The following ZMYND12 variants were observed in gnomAD, a reference collection of about 807,000 sequenced individuals.
ZMYND12 encodes zinc finger MYND-type containing 12.
In ZMYND12, 32 loss-of-function variants were observed where a neutral mutation model predicts 41.7. That is an observed-to-expected ratio of 0.77 (90% CI 0.58 to 1.03). ZMYND12 has a LOEUF of 1.03. Ranked by LOEUF, ZMYND12 falls within the 50% of genes least tolerant of loss-of-function variation. The pLI is 0.00. For missense variants in ZMYND12, 424 were observed against 438.5 expected (o/e 0.97, Z 0.30); for synonymous variants, 148 against 164.8 (o/e 0.90, Z 0.78).
rs3748845 is a variant in ZMYND12, at chr1:42,435,411, A to C, written c.718-26T>G. 0.14 allele frequency: 226,519 copies of C among 1,567,588 alleles called. 17,333 individuals are homozygous for C. Among genetic ancestry groups the C allele is most frequent in the African/African-American group, 0.22 (16,425 of 73,938 alleles). ...CTGTTGGGAAAAGAGATGGTAATAC[A>C]ACAAGCAGGCCAGACCTCAGCCGTC... is the stretch of plus-strand genomic sequence containing the variant. On this transcript the variant is annotated intron_variant, in intron 5 of 7. Transcript: ENST00000372565.
At chr1:42,439,433 T>G (rs1642943006) in intron 4 of ZMYND12, among the ~76,000 whole-genome samples, 1 of 152,184 alleles carries the variant, frequency 6.6e-6, no homozygotes, top group African/African-American at 2.4e-5. Context: ...GCCTGGCTAA[T>G]TTTTTGTATT....
At chr1:42,438,842 A>G (rs1476004049) in intron 4 of ZMYND12, among the ~76,000 whole-genome samples, 1 of 152,306 alleles carries the variant, frequency 6.6e-6, no homozygotes, top group South Asian at 2.1e-4. Flanking sequence ...CTGCATGGAG[A>G]CTGCAGTCTG....
intron 3 of ZMYND12, among the ~76,000 whole-genome samples, chr1:42,440,719 G>A (rs1388029448): frequency 6.6e-6 from 1 of 152,042 alleles, no homozygotes; most frequent in Non-Finnish European, 1.5e-5. Flanking sequence ...GCCCAGACTG[G>A]AGTGTAGTGG....
chr1:42,445,060 A>G (rs1643009449), intron 3 of ZMYND12, among the ~76,000 whole-genome samples: 1 of 151,182 alleles, frequency 6.6e-6, no homozygotes, highest in Admixed American at 6.6e-5. Flanking sequence ...CGCCCACCTC[A>G]GCCTGCCAAA....
At chr1:42,437,516 A>ATT (rs149327912) in intron 4 of ZMYND12, among the ~76,000 whole-genome samples, 28 of 136,054 alleles carry the variant, frequency 2.1e-4, no homozygotes, top group Middle Eastern at 3.7e-3. Context: ...GCTTGTGCTA[A>ATT]TTTTTTTTTT....
chr1:42,433,811 T>G (rs1266824886), intron 6 of ZMYND12, among the ~76,000 whole-genome samples: 1 of 152,214 alleles, frequency 6.6e-6, no homozygotes, highest in Admixed American at 6.5e-5. Context: ...TCCCCAGTAG[T>G]TTTTGGTCCT....
At chr1:42,433,357 C>A in intron 6 of ZMYND12, 69 bp from the exon 7 acceptor site, 1 of 1,503,586 alleles carries the variant, frequency 6.7e-7, no homozygotes, top group South Asian at 1.4e-5. Context: ...CAAAAGCACT[C>A]AGCTGTTAAA....
chr1:42,441,554 TG>T (rs1642968783), intron 3 of ZMYND12, among the ~76,000 whole-genome samples: 2 of 152,232 alleles, frequency 1.3e-5, no homozygotes, highest in African/African-American at 4.8e-5. Flanking sequence ...ATATCATTTT[TG>T]TCTTTTTTGT....
intron 5 of ZMYND12, 81 bp from the exon 6 acceptor site, chr1:42,435,466 T>G: frequency 1.8e-6 from 2 of 1,082,450 alleles, no homozygotes; most frequent in Non-Finnish European, 1.4e-6. Flanking sequence ...AGTAGCGCAT[T>G]TGGCCGGGCT....
rs1557765582 is a variant in ZMYND12, at chr1:42,433,207, TG to T, written c.910del (p.Gln304LysfsTer7). On this transcript the variant is annotated frameshift_variant, in exon 7 of 8. Transcript: ENST00000372565. LOFTEE classifies it high-confidence loss of function. ...IRESTSDKAP[Q>X]KTIFVLKILV... ...GATCTTCAGAACAAAGATGGTTTTT[TG>T]GGGGGCTTTGTCAGATGTAGATTCT... The T allele has an allele frequency of 1.2e-6, 2 of 1,612,754 alleles. No individual in the cohort carries two copies. The highest frequency in any genetic ancestry group is 2.2e-5 in the East Asian group (1 of 44,842).
At chr1:42,433,038 T>C in intron 7 of ZMYND12, 105 bp downstream of exon 7, 1 of 1,457,832 alleles carries the variant, frequency 6.9e-7, no homozygotes, top group African/African-American at 1.4e-5. Flanking sequence ...GAGGGCTTGC[T>C]CTGAGGGCAA....
intron 3 of ZMYND12, among the ~76,000 whole-genome samples, chr1:42,440,516 G>A (rs1430131012): frequency 3.9e-5 from 6 of 151,976 alleles, no homozygotes; most frequent in African/African-American, 7.3e-5. Flanking sequence ...CACTAACAGG[G>A]GGTCCAATGC....
intron 1 of ZMYND12, among the ~76,000 whole-genome samples, chr1:42,454,789 C>A (rs999696503): frequency 1.1e-4 from 16 of 151,716 alleles, no homozygotes; most frequent in African/African-American, 3.9e-4. Flanking sequence ...CTGCAACCTC[C>A]GCCTCCCGGG....
Position 42,449,989 on chromosome 1 carries a change from G to A in ZMYND12, c.181C>T (p.Arg61Cys), listed in dbSNP as rs36062501. Residue 61 changes from arginine to cysteine, a missense_variant, in exon 2 of 8, where the codon CGC (arginine) becomes TGC (cysteine). Transcript: ENST00000372565. ...EKICQLLIPL[R>C]TSMPFYNSEE... ...GAATTGTAGAAGGGCATGGAAGTGCGCAGTGGAATCAAGAGCTGACATATT... is the reference window on the plus strand; with the variant it reads ...GAATTGTAGAAGGGCATGGAAGTGCACAGTGGAATCAAGAGCTGACATATT... 797 of 1,613,872 alleles carry A rather than the reference G, an allele frequency of 4.9e-4. 5 individuals are homozygous for A. In the African/African-American group the frequency reaches 8.7e-3, roughly 18 times the overall value.
chr1:42,433,027 T>G, intron 7 of ZMYND12, 116 bp downstream of exon 7: 1 of 1,318,520 alleles, frequency 7.6e-7, no homozygotes, highest in Non-Finnish European at 1.1e-6. Flanking sequence ...CTCTTTGGAG[T>G]GAGGGCTTGC....
chr1:42,443,753 A>G (rs1642993244), intron 3 of ZMYND12, among the ~76,000 whole-genome samples: 1 of 152,226 alleles, frequency 6.6e-6, no homozygotes, highest in African/African-American at 2.4e-5. Context: ...TCATTCATTC[A>G]ACCAAACATA....
chr1:42,439,986 T>C lies in ZMYND12; in HGVS notation c.464A>G (p.Gln155Arg). ...RIVQAEEYLF[Q>R]AQWTVLKSTD... ...TGATTTGAGGACTGTCCACTGGGCT[T>C]GGAATAGATATTCTTCAGCCTGAAC... The change falls in exon 4 of 8, where the codon CAA (glutamine) becomes CGA (arginine). Residue 155 changes from glutamine to arginine, a missense_variant. Coordinates refer to ENST00000372565, the MANE Select transcript of ZMYND12 (RefSeq NM_032257.5). 1.2e-6 allele frequency: 2 copies of C among 1,613,382 alleles called. No homozygotes were observed. The highest frequency in any genetic ancestry group is 1.7e-6 in the Non-Finnish European group (2 of 1,179,832).
rs1557774014 is a variant in ZMYND12, at chr1:42,455,999, G to T, written c.-2C>A. On this transcript the variant is annotated 5_prime_UTR_variant, in exon 1 of 8. Transcript: ENST00000372565. ...TGCCAGTGGGTAGATCACATTCATG[G>T]TGCAGCCAGCAGTGCTGGTCTCTAA... 6.2e-7 allele frequency: 1 copy of T among 1,609,422 alleles called. No homozygotes were observed. The highest frequency in any genetic ancestry group is 8.5e-7 in the Non-Finnish European group (1 of 1,177,844).
intron 3 of ZMYND12, among the ~76,000 whole-genome samples, chr1:42,441,049 C>A (rs1298265188): frequency 6.6e-6 from 1 of 151,896 alleles, no homozygotes; most frequent in African/African-American, 2.4e-5. Context: ...TATTTAATAC[C>A]CTTTCTGTGC....
Sources: gnomAD v4.1 joint callset for allele counts (sites outside exome capture counted in the v4.1 genomes callset) on GRCh38, gnomAD v4.1.1 for gene constraint, MANE v1.5 for transcripts, NCBI Gene and HGNC (gene_info 2026-07-23, HGNC 2026-07-21) for gene names.